The following CUX1 variants were observed in gnomAD, a reference collection of about 807,000 sequenced individuals.
CUX1 encodes the protein protein CASP.
CUX1 carries 31 observed loss-of-function variants against 158.8 expected under a neutral mutation model. That is an observed-to-expected ratio of 0.20 (90% CI 0.15 to 0.26). CUX1 has a LOEUF of 0.26. CUX1 is among the 10% of genes least tolerant of loss of function. CUX1 has a pLI of 1.00. For missense variants in CUX1, 1,589 were observed against 2,014.6 expected (o/e 0.79, Z 4.04); for synonymous variants, 879 against 862.1 (o/e 1.02, Z -0.34).
At chr7:102,021,497 G>C (rs531257641) in intron 2 of CUX1, among the ~76,000 whole-genome samples, 1 of 151,950 alleles carries the variant, frequency 6.6e-6, no homozygotes, top group Admixed American at 6.6e-5. Flanking sequence ...TTCTAGAGAC[G>C]GGATTTCACC....
chr7:101,890,142 A>G (rs1275347975), intron 1 of CUX1, among the ~76,000 whole-genome samples: 1 of 152,224 alleles, frequency 6.6e-6, no homozygotes, highest in Non-Finnish European at 1.5e-5. Context: ...AACGTGCTTC[A>G]GTATCAGGGA....
chr7:102,150,650 G>C (rs909539814), intron 8 of CUX1, among the ~76,000 whole-genome samples: 3 of 152,222 alleles, frequency 2.0e-5, no homozygotes, highest in Admixed American at 2.0e-4. Context: ...TAGCCCCCAG[G>C]AGGCTTGCGT....
chr7:102,106,079 C>CTTTTTTTT lies in CUX1; in HGVS notation c.530+1639_530+1646dup, dbSNP rs782580660. On this transcript the variant is annotated intron_variant, in intron 6 of 23. Transcript: ENST00000292535. ...AATACTTGGTGAACTTTTCTTTTTT[C>CTTTTTTTT]TTTTTTTTTTTTTTTTTTTTTTTTT... Among the ~76,000 whole-genome samples, 155 of 72,282 alleles carry CTTTTTTTT rather than the reference C, an allele frequency of 2.1e-3. 5 individuals are homozygous for CTTTTTTTT. Among genetic ancestry groups the CTTTTTTTT allele is most frequent in the Non-Finnish European group, 2.7e-3 (106 of 39,010 alleles). The allele number at this position is 72,282 out of a possible 152,430, so 47.4% of individuals were successfully genotyped here.
chr7:102,023,439 G>T (rs1819615046), intron 2 of CUX1, among the ~76,000 whole-genome samples: 1 of 152,136 alleles, frequency 6.6e-6, no homozygotes, highest in East Asian at 1.9e-4. Context: ...TCATGTCCTT[G>T]CTAACCGACG....
chr7:102,105,574 G>A lies in CUX1; in HGVS notation c.530+1115G>A, dbSNP rs535749343. Among the ~76,000 whole-genome samples, 10 of 143,730 alleles carry A rather than the reference G, an allele frequency of 7.0e-5. 1 individual carries two copies. Among genetic ancestry groups the A allele is most frequent in the Admixed American group, 2.2e-4 (3 of 13,546 alleles). 94.3% of individuals were successfully genotyped at this position (143,730 alleles called of 152,430 possible). A position where few individuals can be genotyped will look rare whatever the true frequency, so the allele number is the denominator to read the frequency against. On this transcript the variant is annotated intron_variant, in intron 6 of 23. Coordinates refer to ENST00000292535, the MANE Select transcript of CUX1 (RefSeq NM_181552.4). Reference sequence around the variant, plus strand: ...ATTGCCCAGGCTGGAGTGCAATGGCGCAATCTCGGCTCACTGCAACCTCCG... The same window carrying A: ...ATTGCCCAGGCTGGAGTGCAATGGCACAATCTCGGCTCACTGCAACCTCCG...
rs539337950 is a variant in CUX1 at position 101,894,984 on chromosome 7, C to T, written c.31-21131C>T. Among the ~76,000 whole-genome samples, 5 of 152,134 alleles carry T rather than the reference C, an allele frequency of 3.3e-5. No individual in the cohort carries two copies. The East Asian group carries it at 9.7e-4, about 29-fold the overall frequency. ...GTCTCCAAGTCTGAGTACTGGTCGG[C>T]TTCCTAGACTCCTTAAAACGCTGGG... On this transcript the variant is annotated intron_variant, in intron 1 of 23. Coordinates refer to ENST00000292535, the MANE Select transcript of CUX1 (RefSeq NM_181552.4).
intron 3 of CUX1, among the ~76,000 whole-genome samples, chr7:102,067,141 C>T (rs1435366779): frequency 1.3e-5 from 2 of 152,078 alleles, no homozygotes; most frequent in Admixed American, 6.6e-5. Flanking sequence ...CCACCAGCCC[C>T]TCCTTCCCAC....
chr7:102,243,698 G>C (rs1246395735), intron 23 of CUX1, among the ~76,000 whole-genome samples: 2 of 148,632 alleles, frequency 1.3e-5, no homozygotes, highest in East Asian at 2.0e-4. Context: ...AAGGAGAAGT[G>C]AGCATTCAAA....
At chr7:102,051,532 C>G (rs1166973901) in intron 3 of CUX1, among the ~76,000 whole-genome samples, 1 of 151,802 alleles carries the variant, frequency 6.6e-6, no homozygotes, top group Non-Finnish European at 1.5e-5. Flanking sequence ...ACTGTAGTCC[C>G]AGCTACTTAG....
In CUX1 at chr7:102,128,691, G is replaced by T. The variant is rs116041296; in HGVS notation, c.674+13418G>T. On this transcript the variant is annotated intron_variant, in intron 8 of 23. Coordinates refer to ENST00000292535, the MANE Select transcript of CUX1 (RefSeq NM_181552.4). ...TACTCAGACCTTAGTATTTTCATAAGTGAAATAAAAGAATGCCACGCCTCA... is the reference window on the plus strand; with the variant it reads ...TACTCAGACCTTAGTATTTTCATAATTGAAATAAAAGAATGCCACGCCTCA... 5.2e-3 allele frequency among the ~76,000 whole-genome samples: 796 copies of T among 151,956 alleles called. 6 individuals are homozygous for T. The highest frequency in any genetic ancestry group is 0.019 in the African/African-American group (770 of 41,412).
intron 2 of CUX1, among the ~76,000 whole-genome samples, chr7:101,949,263 C>T (rs1255201751): frequency 6.6e-6 from 1 of 151,904 alleles, no homozygotes; most frequent in Non-Finnish European, 1.5e-5. Flanking sequence ...TCCCGAGTAG[C>T]TGGGACTACA....
chr7:102,149,609 G>C (rs1343476738), intron 8 of CUX1, among the ~76,000 whole-genome samples: 1 of 152,204 alleles, frequency 6.6e-6, no homozygotes, highest in Non-Finnish European at 1.5e-5. Context: ...TCTGAGCTGG[G>C]CCCATCGCCA....
chr7:101,936,321 C>A (rs892907966), intron 2 of CUX1, among the ~76,000 whole-genome samples: 2 of 152,018 alleles, frequency 1.3e-5, no homozygotes, highest in East Asian at 3.9e-4. Context: ...CAAGGGGGAG[C>A]CCCAAGCTTG....
At chr7:102,028,022 T>C (rs4727517) in intron 2 of CUX1, 76 bp from the exon 3 acceptor site, 514,551 of 1,511,470 alleles carry the variant, frequency 0.34, 102,166 homozygotes, top group East Asian at 0.96. Context: ...ACGCTGTTTT[T>C]AGGAGGCCTT....
At chr7:101,866,166 AAAAAT>A (rs948970254) in intron 1 of CUX1, among the ~76,000 whole-genome samples, 13 of 151,950 alleles carry the variant, frequency 8.6e-5, no homozygotes, top group Non-Finnish European at 1.5e-4. Context: ...TCTCTACTAA[AAAAAT>A]AAAAATTAGG....
At chr7:101,858,054 C>T (rs1324543276) in intron 1 of CUX1, among the ~76,000 whole-genome samples, 6 of 152,142 alleles carry the variant, frequency 3.9e-5, no homozygotes, top group Non-Finnish European at 7.4e-5. Context: ...ACCCAGGAGG[C>T]GGAGGTTACA....
chr7:101,849,227 T>C lies in CUX1; in HGVS notation c.30+31558T>C, dbSNP rs185290311. On this transcript the variant is annotated intron_variant, in intron 1 of 23. Transcript: ENST00000292535. ...TTGTGACATAGGTAAACTTTTGTCA[T>C]GGGGGTTTGTTGTACAGATTACGTC... 1.4e-3 allele frequency among the ~76,000 whole-genome samples: 217 copies of C among 152,168 alleles called. 1 individual carries two copies. Among genetic ancestry groups the C allele is most frequent in the Non-Finnish European group, 2.5e-3 (170 of 68,012 alleles).
chr7:101,823,974 C>G (rs975108309), intron 1 of CUX1, among the ~76,000 whole-genome samples: 4 of 152,184 alleles, frequency 2.6e-5, no homozygotes, highest in African/African-American at 7.2e-5. Flanking sequence ...CTTTCCATTT[C>G]CCCCCAAAAG....
intron 1 of CUX1, among the ~76,000 whole-genome samples, chr7:101,847,739 G>A (rs1198732934): frequency 6.6e-6 from 1 of 151,448 alleles, no homozygotes; most frequent in Non-Finnish European, 1.5e-5. Context: ...AAATGAGAAA[G>A]TAAAGTGTTA....
Sources: gnomAD v4.1 joint callset for allele counts (sites outside exome capture counted in the v4.1 genomes callset) on GRCh38, gnomAD v4.1.1 for gene constraint, MANE v1.5 for transcripts, NCBI Gene and HGNC (gene_info 2026-07-23, HGNC 2026-07-21) for gene names.